Variants in ZPLD1 observed in about 807,000 individuals in gnomAD.
ZPLD1 encodes zona pellucida like domain containing 1.
ZPLD1 carries 34 observed loss-of-function variants against 47.2 expected under a neutral mutation model. The observed-to-expected ratio is 0.72, with a 90% CI of 0.55 to 0.96. The LOEUF (loss-of-function observed/expected upper bound fraction) is 0.96, where lower values mean the gene tolerates loss of function less well. ZPLD1 is among the 40% of genes least tolerant of loss of function. ZPLD1 has a pLI of 0.00. For missense variants in ZPLD1, 512 were observed against 505.8 expected (o/e 1.01, Z -0.12); for synonymous variants, 176 against 186.2 (o/e 0.95, Z 0.45).
chr3:102,430,221 G>A (rs1447791416), upstream of ZPLD1, among the ~76,000 whole-genome samples: 1 of 152,150 alleles, frequency 6.6e-6, no homozygotes, highest in Non-Finnish European at 1.5e-5. Flanking sequence ...GTGGTCATGC[G>A]ATGAATGCTA....
chr3:102,431,512 T>C (rs1176749075), upstream of ZPLD1, among the ~76,000 whole-genome samples: 1 of 152,220 alleles, frequency 6.6e-6, no homozygotes, highest in Non-Finnish European at 1.5e-5. Context: ...GACTCTAATG[T>C]GCAAGTGCAA....
At chr3:102,410,489 T>G (rs1425084350) in intron 7 of ZPLD1, among the ~76,000 whole-genome samples, 1 of 151,768 alleles carries the variant, frequency 6.6e-6, no homozygotes, top group African/African-American at 2.4e-5. Flanking sequence ...CTCAAAAATT[T>G]ATATGCACAA....
chr3:102,424,705 C>G (rs1006944728), intron 8 of ZPLD1, among the ~76,000 whole-genome samples: 1 of 152,148 alleles, frequency 6.6e-6, no homozygotes, highest in African/African-American at 2.4e-5. Context: ...CTAATATATA[C>G]ACACCTATAA....
chr3:102,464,411 A>G (rs999320660), intron 8 of ZPLD1, among the ~76,000 whole-genome samples, 160 bp downstream of exon 8: 3 of 152,230 alleles, frequency 2.0e-5, no homozygotes, highest in African/African-American at 7.2e-5. Flanking sequence ...CTGAAAGTAT[A>G]AAATTTGAGA....
At chr3:102,418,151 C>T (rs930988570) in exon 8 of ZPLD1, 4 of 152,534 alleles carry the variant, frequency 2.6e-5, no homozygotes, top group African/African-American at 9.7e-5. Context: ...CACTCAGTCA[C>T]ATGCGGCAGA....
intron 3 of ZPLD1, among the ~76,000 whole-genome samples, chr3:102,452,024 T>G (rs1707344845): frequency 6.6e-6 from 1 of 151,832 alleles, no homozygotes; most frequent in Non-Finnish European, 1.5e-5. Context: ...AATCTACCAC[T>G]AGGGAATTAC....
intron 3 of ZPLD1, among the ~76,000 whole-genome samples, chr3:102,448,981 T>G (rs1222820255): frequency 1.3e-5 from 2 of 152,228 alleles, no homozygotes; most frequent in Admixed American, 1.3e-4. Flanking sequence ...AGGATTTGAT[T>G]TGACATCCAG....
intron 6 of ZPLD1, among the ~76,000 whole-genome samples, chr3:102,388,429 G>GCCTCTCTCTCTCTC (rs1706457305): frequency 7.4e-6 from 1 of 135,934 alleles, no homozygotes; most frequent in Non-Finnish European, 1.6e-5. Flanking sequence ...CTCTCCTGGA[G>GCCTCTCTCTCTCTC]TCTCTCTCTC....
chr3:102,438,381 C>T (rs1707122279), intron 2 of ZPLD1, 99 bp from the exon 3 acceptor site: 3 of 772,766 alleles, frequency 3.9e-6, no homozygotes, highest in Admixed American at 2.1e-5. Context: ...ATGTAAACTG[C>T]TTATCCAACA....
chr3:102,434,883 G>T (rs1181286795), upstream of ZPLD1: 6 of 491,864 alleles, frequency 1.2e-5, no homozygotes, highest in Non-Finnish European at 2.2e-5. Context: ...ACAGAATCAG[G>T]TTCTACATTC....
At chr3:102,438,281 A>G (rs1258727730) in intron 2 of ZPLD1, among the ~76,000 whole-genome samples, 199 bp from the exon 3 acceptor site, 4 of 152,224 alleles carry the variant, frequency 2.6e-5, no homozygotes, top group Admixed American at 6.5e-5. Context: ...ACAGGAGGCA[A>G]TGATGAAAAC....
chr3:102,399,936 A>G (rs1330718872), intron 7 of ZPLD1, among the ~76,000 whole-genome samples: 3 of 151,992 alleles, frequency 2.0e-5, no homozygotes, highest in Non-Finnish European at 2.9e-5. Flanking sequence ...CTCGTGCCTC[A>G]GTATCCTGAG....
rs373825827 is a variant in ZPLD1, at chr3:102,405,585, A to C, written c.-156-12475A>C. The stretch of plus-strand genomic sequence containing the variant: ...CTTTGAATTCAAATGCATGAATGTA[A>C]AGTGTGTTAAATGAGACCATCAAAG... On this transcript the variant is annotated intron_variant, in intron 7 of 17. Coordinates refer to the ZPLD1 transcript ENST00000491959. Among the ~76,000 whole-genome samples the C allele has an allele frequency of 3.9e-5, 6 of 152,090 alleles. No homozygotes were observed. The East Asian group carries it at 7.8e-4, about 20-fold the overall frequency.
chr3:102,388,455 C>CTGGGTG (rs1706458979), intron 6 of ZPLD1, among the ~76,000 whole-genome samples: 2 of 135,494 alleles, frequency 1.5e-5, no homozygotes, highest in South Asian at 4.8e-4. Context: ...CTCTCTCTGT[C>CTGGGTG]TGTGTGTGTG....
chr3:102,403,333 CT>C (rs1425943399), intron 7 of ZPLD1, among the ~76,000 whole-genome samples: 1 of 151,936 alleles, frequency 6.6e-6, no homozygotes, highest in Non-Finnish European at 1.5e-5. Context: ...GATAGATGAG[CT>C]TTTGTTTCCA....
At chr3:102,401,732 C>A (rs1051982203) in intron 7 of ZPLD1, among the ~76,000 whole-genome samples, 2 of 151,958 alleles carry the variant, frequency 1.3e-5, no homozygotes, top group South Asian at 2.1e-4. Context: ...AAAAAGAAAA[C>A]CATTGTGTAG....
chr3:102,457,948 C>T, intron 6 of ZPLD1, 95 bp downstream of exon 6: 1 of 1,197,800 alleles, frequency 8.3e-7, no homozygotes, highest in South Asian at 1.3e-5. Flanking sequence ...CTGAAAGCCA[C>T]ATTAACCCTG....
At chr3:102,429,380 T>C (rs1706988443) in intron 8 of ZPLD1, among the ~76,000 whole-genome samples, 1 of 151,716 alleles carries the variant, frequency 6.6e-6, no homozygotes, top group Non-Finnish European at 1.5e-5. Flanking sequence ...ATTCTTCTGG[T>C]CTGGTAGGAC....
At chr3:102,412,801 G>GTA (rs1428112126) in intron 7 of ZPLD1, among the ~76,000 whole-genome samples, 2 of 151,556 alleles carry the variant, frequency 1.3e-5, no homozygotes, top group Non-Finnish European at 3.0e-5. Context: ...AGGGACATAT[G>GTA]TATATATCCC....
Sources: allele counts gnomAD v4.1 joint callset (sites outside exome capture counted in the v4.1 genomes callset), GRCh38; gene constraint gnomAD v4.1.1; transcripts MANE v1.5; gene names NCBI Gene and HGNC (gene_info 2026-07-23, HGNC 2026-07-21).